SEMA3D: variants seen among roughly 807,000 people sequenced by gnomAD.
SEMA3D encodes semaphorin 3D, also known as semaphorin-3D.
A neutral mutation model predicts 100.1 loss-of-function variants in SEMA3D; 84 were observed. That is an observed-to-expected ratio of 0.84 (90% CI 0.70 to 1.01). The LOEUF (loss-of-function observed/expected upper bound fraction) is 1.01, where lower values mean the gene tolerates loss of function less well. Ranked by LOEUF, SEMA3D falls within the 50% of genes least tolerant of loss-of-function variation. The pLI, the probability that SEMA3D is intolerant of heterozygous loss-of-function variation, is 0.00. For missense variants in SEMA3D, 875 were observed against 934.1 expected, an observed-to-expected ratio of 0.94 and a Z score of 0.82; for synonymous variants, 312 against 320.7, an observed-to-expected ratio of 0.97 and a Z score of 0.29.
intron 4 of SEMA3D, among the ~76,000 whole-genome samples, chr7:85,083,458 G>A (rs1421894824): frequency 1.3e-5 from 2 of 152,150 alleles, no homozygotes; most frequent in Admixed American, 6.5e-5. Flanking sequence ...AAATTGGAAC[G>A]TTTCTTCAAA....
chr7:85,045,603 C>A (rs941448183), intron 9 of SEMA3D, among the ~76,000 whole-genome samples: 1 of 151,678 alleles, frequency 6.6e-6, no homozygotes, highest in Admixed American at 6.6e-5. Flanking sequence ...TAGATATGAC[C>A]TGTTTTTAAT....
intron 5 of SEMA3D, among the ~76,000 whole-genome samples, chr7:85,080,068 T>C (rs1366231589): frequency 6.6e-6 from 1 of 152,226 alleles, no homozygotes; most frequent in Non-Finnish European, 1.5e-5. Context: ...CTCCCTGATA[T>C]ATTTCCGCTA....
chr7:85,001,162 T>A, intron 18 of SEMA3D, among the ~76,000 whole-genome samples: 1 of 152,140 alleles, frequency 6.6e-6, no homozygotes, highest in Non-Finnish European at 1.5e-5. Context: ...GCCAGAGAAG[T>A]GCAGCTGGCG....
intron 1 of SEMA3D, among the ~76,000 whole-genome samples, chr7:85,162,775 C>A (rs1790781137): frequency 6.6e-6 from 1 of 152,072 alleles, no homozygotes; most frequent in South Asian, 2.1e-4. Flanking sequence ...CAAAAAGAAA[C>A]TTGACAACGT....
chr7:85,058,470 T>G (rs1182022601), intron 8 of SEMA3D, among the ~76,000 whole-genome samples: 1 of 151,846 alleles, frequency 6.6e-6, no homozygotes, highest in Admixed American at 6.6e-5. Context: ...AAAAAGCACC[T>G]CTTGGTGTGG....
At chr7:85,088,434 A>G (rs1200902271) in intron 4 of SEMA3D, among the ~76,000 whole-genome samples, 1 of 152,212 alleles carries the variant, frequency 6.6e-6, no homozygotes, top group Admixed American at 6.5e-5. Context: ...AAACTTATTC[A>G]TAAAAACCTA....
Position 85,055,762 on chromosome 7 carries a change from A to G in SEMA3D, c.816T>C (p.Ser272=). The change falls in exon 9 of 19, where the codon AGT becomes AGC. Residue 272 remains serine, a synonymous_variant. Transcript: ENST00000284136. ...FFFRESSQEG[S]TSDKTILSRV... ...GAGAAAGGATGGTTTTATCGGAGGTACTGCCTTCTTGAGATGATTCACGAA... is the reference window on the plus strand; with the variant it reads ...GAGAAAGGATGGTTTTATCGGAGGTGCTGCCTTCTTGAGATGATTCACGAA... The G allele has an allele frequency of 6.4e-7, 1 of 1,566,008 alleles. No individual in the cohort carries two copies. Among genetic ancestry groups the G allele is most frequent in the Non-Finnish European group, 8.7e-7 (1 of 1,143,352 alleles).
At chr7:85,230,360 T>C in the SEMA3D span, among the ~76,000 whole-genome samples, 1 of 152,206 alleles carries the variant, frequency 6.6e-6, no homozygotes, top group Admixed American at 6.5e-5. Context: ...AGCATGTTTC[T>C]GTGTTGTTGA....
At chr7:85,074,414 A>T (rs1791863357) in intron 5 of SEMA3D, among the ~76,000 whole-genome samples, 1 of 152,168 alleles carries the variant, frequency 6.6e-6, no homozygotes, top group Non-Finnish European at 1.5e-5. Context: ...ATGAAATAAA[A>T]TTTTTTAAAA....
chr7:85,199,266 A>G, the SEMA3D span, among the ~76,000 whole-genome samples: 1 of 152,044 alleles, frequency 6.6e-6, no homozygotes, highest in Non-Finnish European at 1.5e-5. Flanking sequence ...TTCTGTTACC[A>G]TGTATATTTG....
chr7:85,189,764 C>T (rs1003696389), upstream of SEMA3D, among the ~76,000 whole-genome samples: 4 of 152,150 alleles, frequency 2.6e-5, no homozygotes, highest in Admixed American at 2.6e-4. Flanking sequence ...TATTCTGAGA[C>T]ATACTACTCC....
the SEMA3D span, among the ~76,000 whole-genome samples, chr7:85,216,357 TTGTGTGTGTG>T: frequency 1.9e-4 from 28 of 146,258 alleles, no homozygotes; most frequent in African/African-American, 5.0e-4. Context: ...AATAAGAGTG[TTGTGTGTGTG>T]TGTGTGTGTG....
the SEMA3D span, among the ~76,000 whole-genome samples, chr7:85,214,878 CTATG>C: frequency 6.6e-6 from 1 of 152,116 alleles, no homozygotes; most frequent in Non-Finnish European, 1.5e-5. Flanking sequence ...ACTGATCAAA[CTATG>C]TACGTATGTA....
At chr7:85,055,931 C>T (rs2116082670) in intron 8 of SEMA3D, 72 bp from the exon 9 acceptor site, 1 of 805,572 alleles carries the variant, frequency 1.2e-6, no homozygotes, top group Non-Finnish European at 1.9e-6. Flanking sequence ...ATGATATTTC[C>T]ACGTAAAAGC....
intron 5 of SEMA3D, among the ~76,000 whole-genome samples, chr7:85,077,669 A>G (rs1373615674): frequency 1.3e-5 from 2 of 152,180 alleles, no homozygotes; most frequent in African/African-American, 4.8e-5. Flanking sequence ...ATTCATTCAT[A>G]TGCATTTGTA....
rs1790284788 is a variant in SEMA3D at position 85,022,535 on chromosome 7, G to T, written c.1270C>A (p.His424Asn). 1 of 1,612,448 alleles carries T rather than the reference G, an allele frequency of 6.2e-7. No individual in the cohort carries two copies. The change falls in exon 13 of 19, where the codon CAC becomes AAC. Residue 424 changes from histidine (H) to asparagine (N), a missense_variant. His to Asn is a moderately conservative substitution (Grantham distance 68, BLOSUM62 1). Transcript: ENST00000284136. ...PDDVISFIKR[H>N]SVMYKSVYPV... ...TATACGGACTTATACATCACAGAGT[G>T]CCGCTTTATGAAACTGATGACATCA...
In SEMA3D at chr7:85,022,313, TA is replaced by T; in HGVS notation, c.1414+77del. 3.2e-6 allele frequency: 3 copies of T among 931,628 alleles called. No individual in the cohort carries two copies. In the Admixed American group the frequency reaches 5.7e-5, roughly 18 times the overall value. The allele number at this position is 931,628 out of a possible 1,614,324, so 57.7% of individuals were successfully genotyped here. A position where few individuals can be genotyped will look rare whatever the true frequency, so the allele number is the denominator to read the frequency against. Reference sequence around the variant, plus strand: ...ACTCATTTTTATTTTGACCAATAAATATTTTTGAAGTTGTTCTTCTCTTTGT... The same window carrying T: ...ACTCATTTTTATTTTGACCAATAAATTTTTTGAAGTTGTTCTTCTCTTTGT... On this transcript the variant is annotated intron_variant, in intron 13 of 18. Transcript: ENST00000284136.
At chr7:85,119,712 ACAACT>A (rs1334068519) in intron 3 of SEMA3D, among the ~76,000 whole-genome samples, 26 of 152,308 alleles carry the variant, frequency 1.7e-4, no homozygotes, top group African/African-American at 6.0e-4. Flanking sequence ...CCTCCACGAC[ACAACT>A]TGCCTATGTA....
chr7:85,097,097 T>C (rs998965005), intron 4 of SEMA3D, among the ~76,000 whole-genome samples: 1 of 151,834 alleles, frequency 6.6e-6, no homozygotes. Context: ...TGCATAGATA[T>C]TGATATTTGC....
Sources: allele counts gnomAD v4.1 joint callset (sites outside exome capture counted in the v4.1 genomes callset), GRCh38; gene constraint gnomAD v4.1.1; transcripts MANE v1.5; gene names NCBI Gene and HGNC (gene_info 2026-07-23, HGNC 2026-07-21).